Variants in MYPN observed in about 807,000 individuals in gnomAD.
MYPN encodes the protein sarcomeric protein myopalladin, 145 kDa (MYOP).
A neutral mutation model predicts 129.4 loss-of-function variants in MYPN; 63 were observed. The ratio of observed to expected loss-of-function variants is 0.49; its 90% CI spans 0.40 to 0.60. The LOEUF is 0.60. Ranked by LOEUF, MYPN falls within the 20% of genes least tolerant of loss-of-function variation. MYPN has a pLI of 0.00. For missense variants in MYPN, 1,596 were observed against 1,635.4 expected (o/e 0.98, Z 0.42); for synonymous variants, 629 against 600.9 (o/e 1.05, Z -0.68).
chr10:68,197,328 A>G, intron 15 of MYPN, 24 bp from the exon 16 acceptor site: 1 of 1,611,550 alleles, frequency 6.2e-7, no homozygotes. Flanking sequence ...TATGTTTAAT[A>G]TCTGAACATG....
upstream of MYPN, among the ~76,000 whole-genome samples, chr10:68,105,350 C>T (rs911325239): frequency 2.0e-5 from 3 of 152,172 alleles, no homozygotes; most frequent in African/African-American, 7.2e-5. Context: ...TAGCATAGTG[C>T]CTCGCACATA....
intron 1 of MYPN, among the ~76,000 whole-genome samples, chr10:68,097,230 T>C (rs772372687): frequency 6.6e-6 from 1 of 152,192 alleles, no homozygotes; most frequent in Non-Finnish European, 1.5e-5. Context: ...CTGATTTGCA[T>C]CTCTAATGGA....
intron 1 of MYPN, among the ~76,000 whole-genome samples, chr10:68,121,062 T>C (rs2042233650): frequency 6.6e-6 from 1 of 152,230 alleles, no homozygotes; most frequent in African/African-American, 2.4e-5. Flanking sequence ...GCGGATCACC[T>C]GAGCCCAGGA....
intron 4 of MYPN, 98 bp downstream of exon 4, chr10:68,145,624 C>A: frequency 1.9e-6 from 2 of 1,028,778 alleles, no homozygotes; most frequent in Non-Finnish European, 1.5e-6. Context: ...AGAAGGGTGG[C>A]TCCAGGGTTT....
At chr10:68,176,910 G>A (rs531997807) in intron 12 of MYPN, among the ~76,000 whole-genome samples, 2 of 152,296 alleles carry the variant, frequency 1.3e-5, no homozygotes, top group South Asian at 4.1e-4. Context: ...ATGTTGCTCT[G>A]TCTAATGCAG....
chr10:68,154,207 A>G (rs2042828285), intron 6 of MYPN, among the ~76,000 whole-genome samples: 1 of 152,152 alleles, frequency 6.6e-6, no homozygotes, highest in Non-Finnish European at 1.5e-5. Context: ...TGCTCTGTTT[A>G]TGCAGGGAAA....
intron 5 of MYPN, among the ~76,000 whole-genome samples, chr10:68,149,415 T>C (rs140866566): frequency 5.3e-5 from 8 of 152,276 alleles, no homozygotes; most frequent in African/African-American, 1.9e-4. Flanking sequence ...TAAATATACA[T>C]ATAACATGTT....
intron 5 of MYPN, 113 bp from the exon 6 acceptor site, chr10:68,149,926 AG>A: frequency 1.1e-6 from 1 of 872,828 alleles, no homozygotes; most frequent in South Asian, 1.4e-5. Context: ...AGAATACATC[AG>A]TTTTTTGGTT....
rs76900421 is a variant in MYPN at position 68,205,836 on chromosome 10, A to C, written c.3660-934A>C. On this transcript the variant is annotated intron_variant, in intron 18 of 19. Coordinates refer to ENST00000358913, the MANE Select transcript of MYPN (RefSeq NM_032578.4). ...GAATGGATTAATTAATTGACTAATC[A>C]GAAGGTGAAGGTAGCCAATGTGTTA... Among the ~76,000 whole-genome samples the C allele has an allele frequency of 7.3e-3, 1,105 of 152,366 alleles. 16 individuals carry two copies. Among genetic ancestry groups the C allele is most frequent in the African/African-American group, 0.025 (1,025 of 41,594 alleles).
chr10:68,196,807 C>T (rs1225907247), intron 15 of MYPN, among the ~76,000 whole-genome samples: 2 of 151,930 alleles, frequency 1.3e-5, no homozygotes, highest in Non-Finnish European at 2.9e-5. Flanking sequence ...GCCTCCTCCT[C>T]CTCCTTCTCC....
rs2042704568 is a variant in MYPN, at chr10:68,148,335, A to T, written c.1131-18A>T. On this transcript the variant is annotated intron_variant, in intron 4 of 19. Coordinates refer to ENST00000358913, the MANE Select transcript of MYPN (RefSeq NM_032578.4). ...GTGATAGGTCTATTTTATAATCTAT[A>T]TTTTAATAATTTCTCAGAATCCAGA... 6.4e-7 allele frequency: 1 copy of T among 1,570,606 alleles called. No homozygotes were observed. Among genetic ancestry groups the T allele is most frequent in the South Asian group, 1.1e-5 (1 of 90,224 alleles).
In MYPN at chr10:68,210,657, T is replaced by C. The variant is rs1231149432; in HGVS notation, c.*202T>C. ...AAGGTAGGGCTGTGCCTTCTAAAGA[T>C]TCCAACAGAGATGTGAGAAGATAAT... On this transcript the variant is annotated 3_prime_UTR_variant, in exon 20 of 20. Coordinates refer to ENST00000358913, the MANE Select transcript of MYPN (RefSeq NM_032578.4). 1.5e-6 allele frequency: 1 copy of C among 686,572 alleles called. No individual in the cohort carries two copies. Among genetic ancestry groups the C allele is most frequent in the East Asian group, 2.8e-5 (1 of 35,298 alleles). 42.5% of individuals were successfully genotyped at this position (686,572 alleles called of 1,614,324 possible).
chr10:68,098,821 C>T (rs185953789), intron 1 of MYPN, among the ~76,000 whole-genome samples: 199 of 152,000 alleles, frequency 1.3e-3, no homozygotes, highest in Admixed American at 0.012. Context: ...CCAGCCTGGG[C>T]GACAAGAGCA....
rs183929339 is a variant in MYPN, at chr10:68,205,284, C to T, written c.3660-1486C>T. ...CTGTCTTCCCCAGGCATCTTTCCCACGACATTACTCTAGCATTTGTTGCAT... is the reference window on the plus strand; with the variant it reads ...CTGTCTTCCCCAGGCATCTTTCCCATGACATTACTCTAGCATTTGTTGCAT... On this transcript the variant is annotated intron_variant, in intron 18 of 19. Transcript: ENST00000358913. Among the ~76,000 whole-genome samples, 191 of 152,158 alleles carry T rather than the reference C, an allele frequency of 1.3e-3. 1 individual carries two copies. Among genetic ancestry groups the T allele is most frequent in the African/African-American group, 4.5e-3 (185 of 41,508 alleles).
upstream of MYPN, among the ~76,000 whole-genome samples, chr10:68,101,225 C>T (rs1434203323): frequency 6.6e-6 from 1 of 151,992 alleles, no homozygotes; most frequent in Non-Finnish European, 1.5e-5. Context: ...ATATAAGAAA[C>T]ACTGCAACAA....
Position 68,150,070 on chromosome 10 carries a change from T to C in MYPN, c.1276T>C (p.Leu426=). 6.2e-7 allele frequency: 1 copy of C among 1,613,974 alleles called. No homozygotes were observed. Among genetic ancestry groups the C allele is most frequent in the Non-Finnish European group, 8.5e-7 (1 of 1,179,878 alleles). ...GAGCCCCACCAATTACTTGCAGGGA[T>C]TGGATGGAAAACCTATCATTGCAGC... ...CQSPTNYLQG[L]DGKPIIAAPV... is the part of the protein sequence containing the mutation. Residue 426 remains leucine, a synonymous_variant, in exon 6 of 20, where the codon TTG becomes CTG. Transcript: ENST00000358913.
chr10:68,143,879 C>T (rs1267518091), intron 3 of MYPN, among the ~76,000 whole-genome samples: 1 of 152,100 alleles, frequency 6.6e-6, no homozygotes, highest in African/African-American at 2.4e-5. Flanking sequence ...CCCAGCCCCC[C>T]GAATAGCTGG....
At chr10:68,148,316 G>T (rs1589556341) in intron 4 of MYPN, 37 bp from the exon 5 acceptor site, 4 of 1,460,224 alleles carry the variant, frequency 2.7e-6, no homozygotes, top group Middle Eastern at 1.8e-4. Context: ...AAGAGTGATA[G>T]GTCTATTTTA....
intron 2 of MYPN, among the ~76,000 whole-genome samples, chr10:68,141,194 C>T (rs1482614638): frequency 6.6e-6 from 1 of 151,670 alleles, no homozygotes. Context: ...CATGGTGAAA[C>T]CCTGTCTCTA....
Sources: allele counts gnomAD v4.1 joint callset (sites outside exome capture counted in the v4.1 genomes callset), GRCh38; gene constraint gnomAD v4.1.1; transcripts MANE v1.5; gene names NCBI Gene and HGNC (gene_info 2026-07-23, HGNC 2026-07-21).